Variants in TPH2 observed in about 807,000 individuals in gnomAD.
TPH2 encodes the protein tryptophan 5-hydroxylase 2.
TPH2 carries 27 observed loss-of-function variants against 59.1 expected under a neutral mutation model. That is an observed-to-expected ratio of 0.46 (90% confidence interval 0.34 to 0.63). The LOEUF is 0.63. Ranked by LOEUF, TPH2 falls within the 30% of genes least tolerant of loss-of-function variation. The probability of loss-of-function intolerance (pLI) is 0.01; values close to 1 mark genes in which losing one functional copy is unlikely to be tolerated. For missense variants in TPH2, 523 were observed against 588.3 expected (o/e 0.89, Z 1.15); for synonymous variants, 220 against 210.5 (o/e 1.05, Z -0.39).
intron 5 of TPH2, among the ~76,000 whole-genome samples, chr12:71,959,187 A>G (rs1871605665): frequency 1.3e-5 from 2 of 152,098 alleles, no homozygotes; most frequent in African/African-American, 4.8e-5. Context: ...GAGTAGATAC[A>G]TAAATATGGA....
At chr12:71,987,724 T>C (rs556391084) in intron 7 of TPH2, among the ~76,000 whole-genome samples, 215 of 152,108 alleles carry the variant, frequency 1.4e-3, no homozygotes, top group African/African-American at 5.0e-3. Flanking sequence ...TGGTGGCGGG[T>C]GCCTGTAATC....
chr12:71,982,359 T>C (rs1872310079), intron 7 of TPH2, among the ~76,000 whole-genome samples: 1 of 152,140 alleles, frequency 6.6e-6, no homozygotes, highest in Non-Finnish European at 1.5e-5. Flanking sequence ...TAAAGTTCAC[T>C]AAAAGGTATA....
At chr12:71,964,612 T>A (rs1333257997) in intron 5 of TPH2, 1 of 985,214 alleles carries the variant, frequency 1.0e-6, no homozygotes, top group Non-Finnish European at 1.2e-6. Context: ...TACTATTTCA[T>A]GAAGGTGGTA....
chr12:71,983,861 A>C (rs970095545), intron 7 of TPH2, among the ~76,000 whole-genome samples: 2 of 152,070 alleles, frequency 1.3e-5, no homozygotes, highest in African/African-American at 2.4e-5. Context: ...CTTAAGGTTC[A>C]TGGTGAGATG....
chr12:71,951,520 CT>C lies in TPH2; in HGVS notation c.608+1870del, dbSNP rs745380757. Among the ~76,000 whole-genome samples, 318 of 152,170 alleles carry C rather than the reference CT, an allele frequency of 2.1e-3. 3 individuals carry two copies. Among genetic ancestry groups the C allele is most frequent in the Middle Eastern group, 6.8e-3 (2 of 294 alleles). ...ATGCCCAGCTAATTTTTAAAATTTA[CT>C]TTTTGTATTTTTGACAGGGTTTTGC... On this transcript the variant is annotated intron_variant, in intron 5 of 10. Transcript: ENST00000333850.
intron 7 of TPH2, among the ~76,000 whole-genome samples, chr12:71,982,013 G>GTTTTTTTTTTTT (rs1468983565): frequency 1.8e-5 from 1 of 55,668 alleles, no homozygotes; most frequent in African/African-American, 6.6e-5. Flanking sequence ...CATATCATTC[G>GTTTTTTTTTTTT]TATTTTTTTT....
chr12:71,984,029 C>A (rs2139213075), intron 7 of TPH2, among the ~76,000 whole-genome samples: 1 of 152,224 alleles, frequency 6.6e-6, no homozygotes, highest in Middle Eastern at 3.4e-3. Context: ...GTTCCCATTC[C>A]ACACATCTCT....
rs79429031 is a variant in TPH2 at position 71,961,934 on chromosome 12, T to C, written c.609-10585T>C. 6.2e-4 allele frequency: 657 copies of C among 1,059,646 alleles called. 12 individuals carry two copies. The East Asian group carries it at 0.012, about 20-fold the overall frequency. 65.6% of individuals were successfully genotyped at this position (1,059,646 alleles called of 1,614,324 possible). On this transcript the variant is annotated intron_variant, in intron 5 of 10. Coordinates refer to ENST00000333850, the MANE Select transcript of TPH2 (RefSeq NM_173353.4). ...TAACAACGCGAACAAAACAAACTAA[T>C]GTTTTTGTTTGCTCCCATCTGAAAG...
chr12:72,029,086 C>A (rs968887942), intron 9 of TPH2, among the ~76,000 whole-genome samples: 1 of 152,218 alleles, frequency 6.6e-6, no homozygotes, highest in Non-Finnish European at 1.5e-5. Context: ...ATTGCATACA[C>A]ACCTCTGGAG....
intron 8 of TPH2, among the ~76,000 whole-genome samples, chr12:72,014,008 TAA>T (rs1349431123): frequency 1.3e-5 from 2 of 152,052 alleles, no homozygotes; most frequent in Non-Finnish European, 2.9e-5. Context: ...GAGTATATGG[TAA>T]AATATGAGAA....
intron 6 of TPH2, among the ~76,000 whole-genome samples, chr12:71,974,799 T>C (rs1872071888): frequency 6.6e-6 from 1 of 152,190 alleles, no homozygotes; most frequent in Admixed American, 6.5e-5. Context: ...GATGTCCTCA[T>C]CATTTTATAA....
chr12:71,968,486 G>A (rs926320056), intron 5 of TPH2, among the ~76,000 whole-genome samples: 6 of 152,174 alleles, frequency 3.9e-5, no homozygotes, highest in African/African-American at 1.4e-4. Context: ...CAGGCTCCCC[G>A]TGGTACACCA....
At chr12:71,961,462 T>C in intron 5 of TPH2, 1 of 1,172,908 alleles carries the variant, frequency 8.5e-7, no homozygotes, top group Non-Finnish European at 1.1e-6. Flanking sequence ...TAGGGCCTAG[T>C]AGTTAGCTGT....
intron 6 of TPH2, among the ~76,000 whole-genome samples, chr12:71,977,737 C>T (rs541286889): frequency 1.6e-3 from 237 of 152,184 alleles, no homozygotes; most frequent in African/African-American, 5.3e-3. Context: ...TTTTCAAGAA[C>T]CTATCGACGA....
intron 5 of TPH2, chr12:71,961,682 T>G (rs1378797978): frequency 7.4e-7 from 1 of 1,351,016 alleles, no homozygotes; most frequent in Non-Finnish European, 9.8e-7. Context: ...CCATTGTTGT[T>G]GCTGTTGATA....
intron 5 of TPH2, among the ~76,000 whole-genome samples, chr12:71,959,784 GA>G (rs746615705): frequency 2.0e-5 from 3 of 151,970 alleles, no homozygotes; most frequent in South Asian, 2.1e-4. Context: ...TCTTAACAGG[GA>G]AAAAAACTTA....
intron 5 of TPH2, among the ~76,000 whole-genome samples, chr12:71,968,008 C>T (rs564301863): frequency 1.6e-3 from 238 of 152,286 alleles, no homozygotes; most frequent in African/African-American, 5.2e-3. Flanking sequence ...TCCTTCCCTT[C>T]TCTAAGACCT....
At chr12:71,941,829 G>T in intron 2 of TPH2, 96 bp downstream of exon 2, 1 of 1,346,432 alleles carries the variant, frequency 7.4e-7, no homozygotes, top group Non-Finnish European at 1.1e-6. Context: ...TCAATTTCTG[G>T]ATAATGTGGT....
At chr12:71,956,809 C>T (rs1178959245) in intron 5 of TPH2, among the ~76,000 whole-genome samples, 6 of 151,974 alleles carry the variant, frequency 3.9e-5, no homozygotes, top group African/African-American at 9.7e-5. Context: ...GGGGTTTCCC[C>T]GTGTTGCCCA....
Sources: allele counts gnomAD v4.1 joint callset (sites outside exome capture counted in the v4.1 genomes callset), GRCh38; gene constraint gnomAD v4.1.1; transcripts MANE v1.5; gene names NCBI Gene and HGNC (gene_info 2026-07-23, HGNC 2026-07-21).